The following TTN variants were observed in gnomAD, a reference collection of about 807,000 sequenced individuals.
TTN encodes titin.
In TTN, 1,525 loss-of-function variants were observed where a neutral mutation model predicts 3,223.0. That is an observed-to-expected ratio of 0.47 (90% CI 0.45 to 0.49). TTN has a LOEUF of 0.49. Ranked by LOEUF, TTN falls within the 20% of genes least tolerant of loss-of-function variation. TTN has a pLI of 0.00. For missense variants in TTN, 40,786 were observed against 43,424.0 expected (o/e 0.94, Z 5.40); for synonymous variants, 14,094 against 15,161.0 (o/e 0.93, Z 5.17).
In TTN at chr2:178,664,048, G is replaced by C; in HGVS notation, c.36331C>G (p.Pro12111Ala). Residue 12111 changes from proline (P) to alanine (A), a missense_variant, in exon 169 of 363, where the codon CCT becomes GCT. By Grantham distance (27) the Pro-to-Ala change is conservative. Coordinates refer to ENST00000589042, the MANE Select transcript of TTN (RefSeq NM_001267550.2). The stretch of plus-strand genomic sequence containing the variant: ...GGTGGGACTTCAGGCTTTTTAGGAG[G>C]CACCACCGACACTTTCTTTTCAGGG... ...IIPEKKVSVV[P>A]PKKPEVPPVK... 6.2e-7 allele frequency: 1 copy of C among 1,613,176 alleles called. No individual in the cohort carries two copies. The highest frequency in any genetic ancestry group is 1.1e-5 in the South Asian group (1 of 91,044).
rs773277489 is a variant in TTN, at chr2:178,756,254, C to T, written c.11222G>A (p.Arg3741Lys). Residue 3741 changes from arginine (R) to lysine (K), a missense_variant, in exon 46 of 363, where the codon AGG becomes AAG. Arg to Lys is a conservative substitution (Grantham distance 26, BLOSUM62 2). Coordinates refer to ENST00000589042, the MANE Select transcript of TTN (RefSeq NM_001267550.2). ...TACACTTAGTACTGCTGACGTTGTCCTCTCTCCACAGTCATTGTGTACAAT... is the reference window on the plus strand; with the variant it reads ...TACACTTAGTACTGCTGACGTTGTCTTCTCTCCACAGTCATTGTGTACAAT... ...SCIVHNDCGE[R>K]TTSAVLSVEG... 1.9e-6 allele frequency: 3 copies of T among 1,612,462 alleles called. No homozygotes were observed. The highest frequency in any genetic ancestry group is 1.7e-6 in the Non-Finnish European group (2 of 1,178,718).
Position 178,696,027 on chromosome 2 carries a change from T to G in TTN, c.31045A>C (p.Lys10349Gln). The stretch of plus-strand genomic sequence containing the variant: ...TGAACTTCTTTTTTAGCTTCTACCT[T>G]AATCTCTTCATAGTCTTCATCTGGT... ...EEPDEDYEEI[K>Q]VEAKKEVHEE... is the part of the protein sequence containing the mutation. Residue 10349 changes from lysine (K) to glutamine (Q), a missense_variant, in exon 114 of 363, where the codon AAG becomes CAG. Coordinates refer to ENST00000589042, the MANE Select transcript of TTN (RefSeq NM_001267550.2). The G allele has an allele frequency of 6.4e-7, 1 of 1,550,842 alleles. No individual in the cohort carries two copies. The highest frequency in any genetic ancestry group is 2.4e-5 in the East Asian group (1 of 40,880).
intron 106 of TTN, among the ~76,000 whole-genome samples, chr2:178,703,698 ATAGTTGCTAAT>A (rs1470248877): frequency 6.6e-6 from 1 of 152,220 alleles, no homozygotes; most frequent in Non-Finnish European, 1.5e-5. Context: ...TTTTTGAAAA[ATAGTTGCTAAT>A]TGCACATGAC....
intron 47 of TTN, chr2:178,747,172 G>C: frequency 6.2e-7 from 1 of 1,608,796 alleles, no homozygotes; most frequent in Non-Finnish European, 8.5e-7. Flanking sequence ...TCTCTCCTGG[G>C]GGTGTGGAGT....
rs2051287607 is a variant in TTN at position 178,595,420 on chromosome 2, G to A, written c.57847+87C>T. On this transcript the variant is annotated intron_variant, in intron 295 of 362. Coordinates refer to ENST00000589042, the MANE Select transcript of TTN (RefSeq NM_001267550.2). ...TGCTTGTCAAGTGAATGAAATGTAC[G>A]GCATTTATACACATATTTTTTCACC... The A allele has an allele frequency of 4.8e-6, 6 of 1,262,494 alleles. 1 individual carries two copies. Among genetic ancestry groups the A allele is most frequent in the South Asian group, 2.8e-5 (2 of 70,890 alleles). The allele number at this position is 1,262,494 out of a possible 1,614,324, so 78.2% of individuals were successfully genotyped here. A position where few individuals can be genotyped will look rare whatever the true frequency, so the allele number is the denominator to read the frequency against.
Position 178,549,350 on chromosome 2 carries a change from C to T in TTN, c.92276G>A (p.Arg30759Lys), listed in dbSNP as rs769687279. The T allele has an allele frequency of 6.2e-7, 1 of 1,613,866 alleles. No individual in the cohort carries two copies. Among genetic ancestry groups the T allele is most frequent in the East Asian group, 2.2e-5 (1 of 44,864 alleles). Reference sequence around the variant, plus strand: ...TACCCATCTTGTGCTTTTCTTTTCTCTTCTTTCAAGGATATACTGTTGAAT... The same window carrying T: ...TACCCATCTTGTGCTTTTCTTTTCTTTTCTTTCAAGGATATACTGTTGAAT... ...SEIQQYILER[R>K]EKKSTRWVKV... The change falls in exon 339 of 363, where the codon AGA (arginine) becomes AAA (lysine). Residue 30759 changes from arginine (R) to lysine (K), a missense_variant. By Grantham distance (26) the Arg-to-Lys change is conservative. Transcript: ENST00000589042.
chr2:178,697,012 G>A, intron 113 of TTN, 109 bp downstream of exon 113: 1 of 953,586 alleles, frequency 1.0e-6, no homozygotes, highest in South Asian at 1.5e-5. Context: ...CAGCAGAGGA[G>A]ACTCCACAAC....
At chr2:178,694,565 T>G (rs1437863146) in intron 117 of TTN, 34 bp downstream of exon 117, 2 of 1,518,014 alleles carry the variant, frequency 1.3e-6, no homozygotes, top group Non-Finnish European at 1.8e-6. Flanking sequence ...ATAAAAAAAT[T>G]TTGAACTTGT....
Position 178,636,054 on chromosome 2 carries a change from G to C in TTN, c.41517C>G (p.Ile13839Met). The C allele has an allele frequency of 1.2e-6, 2 of 1,613,250 alleles. No homozygotes were observed. The highest frequency in any genetic ancestry group is 1.7e-6 in the Non-Finnish European group (2 of 1,179,484). Residue 13839 changes from isoleucine (I) to methionine (M), a missense_variant, in exon 226 of 363, where the codon ATC (isoleucine) becomes ATG (methionine). Physicochemically the swap from Ile to Met is conservative, Grantham distance 10 (BLOSUM62 1). Transcript: ENST00000589042. This position sits in a 1 kb window ranked among gnomAD's most constrained non-coding sequence, Gnocchi z 4.3. ...GVIGLMRALT[I>M]NDADDTDAGT... ...CAGCATCTGTGTCATCTGCATCGTT[G>C]ATGGTCAGAGCCCGCATCAAGCCAA...
chr2:178,777,350 A>G, intron 26 of TTN, 33 bp from the exon 27 acceptor site: 2 of 1,613,424 alleles, frequency 1.2e-6, no homozygotes, highest in Non-Finnish European at 1.7e-6. Context: ...TAGAGGGAGT[A>G]AGGCTGAAAT....
In TTN at chr2:178,615,217, A is replaced by G. The variant is rs1213868035; in HGVS notation, c.48638+90T>C. On this transcript the variant is annotated intron_variant, in intron 259 of 362. Coordinates refer to ENST00000589042, the MANE Select transcript of TTN (RefSeq NM_001267550.2). ...CACCGGCAGCATAGGATTCTCAATG[A>G]AAAAAGACAAACATTTAAATTTTCC... The G allele has an allele frequency of 6.7e-6, 10 of 1,482,468 alleles. No homozygotes were observed. The African/African-American group carries it at 1.4e-4, about 21-fold the overall frequency. 91.8% of individuals were successfully genotyped at this position (1,482,468 alleles called of 1,614,324 possible). A position where few individuals can be genotyped will look rare whatever the true frequency, so the allele number is the denominator to read the frequency against.
chr2:178,736,193 T>G (rs925887759), intron 49 of TTN, 119 bp from the exon 50 acceptor site: 6 of 872,926 alleles, frequency 6.9e-6, no homozygotes, highest in Non-Finnish European at 6.7e-6. Flanking sequence ...AGCCATAATT[T>G]AAAATGGAGT....
At chr2:178,713,454 C>A (rs1339239411) in intron 92 of TTN, 82 bp from the exon 93 acceptor site, 2 of 1,440,648 alleles carry the variant, frequency 1.4e-6, no homozygotes, top group African/African-American at 1.4e-5. Flanking sequence ...GAAGAGAGAA[C>A]TGTCTTTTTG....
At position 178,543,216 on chromosome 2, in the gene TTN, C is replaced by T; in HGVS notation, c.96757G>A (p.Val32253Ile). 1 of 1,613,662 alleles carries T rather than the reference C, an allele frequency of 6.2e-7. No homozygotes were observed. The highest frequency in any genetic ancestry group is 8.5e-7 in the Non-Finnish European group (1 of 1,179,744). The change falls in exon 347 of 363, where the codon GTC becomes ATC. Residue 32253 changes from valine to isoleucine, a missense_variant. Physicochemically the swap from Val to Ile is conservative, Grantham distance 29. Transcript: ENST00000589042. Reference sequence around the variant, plus strand: ...TCTAGGACTGTGGGTTTTAAGGTGACAACCTTCATCCATCTCTCTGTGCCA... The same window carrying T: ...TCTAGGACTGTGGGTTTTAAGGTGATAACCTTCATCCATCTCTCTGTGCCA... Reference protein sequence around the residue: ...KAGTERWMKVVTLKPTVLEHT... With the variant: ...KAGTERWMKVITLKPTVLEHT...
chr2:178,562,063 C>T lies in TTN; in HGVS notation c.84069G>A (p.Lys28023=), dbSNP rs754720240. The change falls in exon 326 of 363, where the codon AAG becomes AAA. Residue 28023 remains lysine, a synonymous_variant. Transcript: ENST00000589042. ...SSKTVTSLSI[K]EASKEDVGTY... ...TTCCAACATCTTCCTTTGAAGCTTC[C>T]TTAATAGATAGTGATGTTACAGTCT... 2 of 1,613,234 alleles carry T rather than the reference C, an allele frequency of 1.2e-6. No individual in the cohort carries two copies. The highest frequency in any genetic ancestry group is 1.3e-5 in the African/African-American group (1 of 74,980).
rs760286642 is a variant in TTN at position 178,578,174 on chromosome 2, C to A, written c.68341G>T (p.Glu22781Ter). 1 of 1,611,394 alleles carries A rather than the reference C, an allele frequency of 6.2e-7. No individual in the cohort carries two copies. The highest frequency in any genetic ancestry group is 8.5e-7 in the Non-Finnish European group (1 of 1,179,218). Reference sequence around the variant, plus strand: ...AAAAGGCTGTTTCTTTCCTTGAACTCGAGATGATACCCTACAAAAGACCCA... The same window carrying A: ...AAAAGGCTGTTTCTTTCCTTGAACTAGAGATGATACCCTACAAAAGACCCA... ...GGSPITGYHL[E>*]FKERNSLLWK... The change falls in exon 322 of 363, where the codon GAG (glutamate) becomes TAG (stop). Residue 22781 changes from glutamate (E) to a stop codon, truncating the protein, a stop_gained. Transcript: ENST00000589042. LOFTEE classifies it high-confidence loss of function.
rs1691855470 is a variant in TTN, at chr2:178,536,937, C to T, written c.100171+1G>A. On this transcript the variant is annotated splice_donor_variant, in intron 356 of 362. Coordinates refer to ENST00000589042, the MANE Select transcript of TTN (RefSeq NM_001267550.2). LOFTEE classifies it high-confidence loss of function. ...AGATACAGAAATCAAGTTGTACTCACCAAATGGACTCTTAATGATCACAAC... is the reference window on the plus strand; with the variant it reads ...AGATACAGAAATCAAGTTGTACTCATCAAATGGACTCTTAATGATCACAAC... The T allele has an allele frequency of 1.9e-6, 3 of 1,599,200 alleles. No individual in the cohort carries two copies. The highest frequency in any genetic ancestry group is 2.6e-6 in the Non-Finnish European group (3 of 1,169,804).
intron 47 of TTN, chr2:178,745,061 G>T (rs1473969246): frequency 1.0e-6 from 1 of 986,918 alleles, no homozygotes; most frequent in Non-Finnish European, 1.2e-6. Flanking sequence ...GGGAGAAGCT[G>T]GTTTTTGTTG....
At chr2:178,780,771 T>C (rs2092694926) in intron 21 of TTN, among the ~76,000 whole-genome samples, 1 of 152,206 alleles carries the variant, frequency 6.6e-6, no homozygotes, top group Non-Finnish European at 1.5e-5. Flanking sequence ...TACTGTCTCT[T>C]TGAGGCAGGG....
Sources: gnomAD v4.1 joint callset for allele counts (sites outside exome capture counted in the v4.1 genomes callset) on GRCh38, gnomAD v4.1.1 for gene constraint, Gnocchi (gnomAD v3.1) non-coding constraint, MANE v1.5 for transcripts, NCBI Gene and HGNC (gene_info 2026-07-23, HGNC 2026-07-21) for gene names.